The following PHF14 variants were observed in gnomAD, a reference collection of about 807,000 sequenced individuals.
The protein encoded by PHF14 is PHD finger protein 14.
A neutral mutation model predicts 117.9 loss-of-function variants in PHF14; 55 were observed. That is an observed-to-expected ratio of 0.47 (90% CI 0.38 to 0.58). PHF14 has a LOEUF of 0.58. Among genes scored for constraint, PHF14 ranks in the 20% least tolerant of loss-of-function variants. The pLI, the probability that PHF14 is intolerant of heterozygous loss-of-function variation, is 0.00. For synonymous variants in PHF14, 409 were observed against 368.6 expected (o/e 1.11, Z -1.26); for missense variants, 978 against 1,122.2 (o/e 0.87, Z 1.84).
At chr7:11,075,247 A>G (rs1485155906) in intron 16 of PHF14, among the ~76,000 whole-genome samples, 1 of 152,078 alleles carries the variant, frequency 6.6e-6, no homozygotes, top group African/African-American at 2.4e-5. Flanking sequence ...CCTTTCAGAC[A>G]TCTTTATAGC....
intron 2 of PHF14, among the ~76,000 whole-genome samples, chr7:10,979,104 A>G (rs1211944259): frequency 1.3e-5 from 2 of 152,218 alleles, no homozygotes; most frequent in Non-Finnish European, 2.9e-5. Context: ...GTATATTAGC[A>G]TAAAACTAAA....
intron 2 of PHF14, among the ~76,000 whole-genome samples, chr7:10,979,680 T>C (rs372029234): frequency 3.3e-5 from 5 of 152,128 alleles, no homozygotes; most frequent in East Asian, 1.9e-4. Context: ...TACCCAGCTA[T>C]GGTTGTAAAT....
At chr7:11,026,645 G>C (rs959874020) in intron 6 of PHF14, among the ~76,000 whole-genome samples, 5 of 151,554 alleles carry the variant, frequency 3.3e-5, no homozygotes, top group Admixed American at 3.3e-4. Context: ...TTGTTTTTCT[G>C]TATGGGTATG....
intron 14 of PHF14, among the ~76,000 whole-genome samples, chr7:11,054,952 C>A (rs10487898): frequency 0.013 from 1,925 of 151,784 alleles, 42 homozygotes; most frequent in East Asian, 0.1. Context: ...AAAATTTTAC[C>A]TTCATGACAT....
At chr7:11,108,784 C>A (rs1190859589) in intron 16 of PHF14, 1 of 151,580 alleles carries the variant, frequency 6.6e-6, no homozygotes, top group Non-Finnish European at 1.5e-5. Flanking sequence ...GCTGGAATTT[C>A]ATAGCTATAT....
intron 16 of PHF14, chr7:11,102,549 T>G: frequency 6.2e-7 from 1 of 1,610,520 alleles, no homozygotes; most frequent in Non-Finnish European, 8.5e-7. Context: ...GAAACCTCTT[T>G]TATAAGTGTG....
chr7:10,983,115 C>A lies in PHF14; in HGVS notation c.856C>A (p.Leu286Met). 6.3e-7 allele frequency: 1 copy of A among 1,599,128 alleles called. No homozygotes were observed. Among genetic ancestry groups the A allele is most frequent in the Non-Finnish European group, 8.5e-7 (1 of 1,179,498 alleles). The change falls in exon 3 of 18, where the codon CTG becomes ATG. Residue 286 changes from leucine (L) to methionine (M), a missense_variant. Leu to Met is a conservative substitution (Grantham distance 15). Coordinates refer to ENST00000634607, the MANE Select transcript of PHF14 (RefSeq NM_001007157.2). ...LSRNSADDEELTNDSLTLSQS... is the reference protein window; with the variant it reads ...LSRNSADDEEMTNDSLTLSQS... ...CAGAAACAGTGCTGATGATGAGGAA[C>A]TGACCAATGATAGCCTGACCCTATC...
intron 4 of PHF14, among the ~76,000 whole-genome samples, chr7:10,992,700 A>C (rs901653208): frequency 1.3e-5 from 2 of 152,136 alleles, no homozygotes; most frequent in African/African-American, 4.8e-5. Flanking sequence ...ATTCTCTTAC[A>C]TAACCACATA....
At chr7:11,070,266 T>TG (rs796603461) in intron 16 of PHF14, among the ~76,000 whole-genome samples, 7 of 152,272 alleles carry the variant, frequency 4.6e-5, no homozygotes, top group African/African-American at 1.7e-4. Context: ...TTTGTAGAAA[T>TG]GGGGTCTGAC....
intron 17 of PHF14, among the ~76,000 whole-genome samples, chr7:11,133,283 A>C (rs1461609645): frequency 6.6e-6 from 1 of 151,864 alleles, no homozygotes; most frequent in Admixed American, 6.6e-5. Context: ...GAGGACTGAC[A>C]CTACCCAACT....
At position 10,973,949 on chromosome 7, in the gene PHF14, T is replaced by C. The variant is rs1047279183; in HGVS notation, c.-375T>C. On this transcript the variant is annotated 5_prime_UTR_variant, in exon 1 of 18. Transcript: ENST00000634607. Reference sequence around the variant, plus strand: ...AGCCGCCCTCGCGCTGTGCAATTTCTGGTCTTTCGTTGCTTCTGGTCCAGG... The same window carrying C: ...AGCCGCCCTCGCGCTGTGCAATTTCCGGTCTTTCGTTGCTTCTGGTCCAGG... 9.8e-6 allele frequency: 2 copies of C among 204,600 alleles called. No homozygotes were observed. The highest frequency in any genetic ancestry group is 2.0e-5 in the Non-Finnish European group (2 of 99,318). The allele number at this position is 204,600 out of a possible 1,614,324, so 12.7% of individuals were successfully genotyped here. A position where few individuals can be genotyped will look rare whatever the true frequency, so the allele number is the denominator to read the frequency against.
At chr7:11,143,194 T>A (rs1434024259) in intron 17 of PHF14, among the ~76,000 whole-genome samples, 1 of 152,206 alleles carries the variant, frequency 6.6e-6, no homozygotes, top group East Asian at 1.9e-4. Context: ...TGTACCTAAA[T>A]AATTTTTTGA....
intron 17 of PHF14, among the ~76,000 whole-genome samples, chr7:11,159,811 G>C (rs950587278): frequency 2.6e-5 from 4 of 151,984 alleles, no homozygotes; most frequent in Admixed American, 6.6e-5. Flanking sequence ...TTTATAGAAA[G>C]AAAAAATTCT....
chr7:11,088,673 G>C (rs118046676), intron 16 of PHF14, among the ~76,000 whole-genome samples: 1,993 of 151,970 alleles, frequency 0.013, 26 homozygotes, highest in Non-Finnish European at 0.018. Context: ...AATAGTCAAA[G>C]AAAGAAATGC....
chr7:11,041,218 C>G (rs552004912), intron 12 of PHF14, among the ~76,000 whole-genome samples: 2 of 151,968 alleles, frequency 1.3e-5, no homozygotes, highest in African/African-American at 4.8e-5. Context: ...AGTTTCTACA[C>G]TTTTTTTCTC....
chr7:11,114,103 A>G (rs532808924), intron 17 of PHF14, among the ~76,000 whole-genome samples: 17 of 152,274 alleles, frequency 1.1e-4, no homozygotes, highest in African/African-American at 3.4e-4. Flanking sequence ...GAAGTAATCA[A>G]TTGCAAATAA....
chr7:11,024,468 G>C (rs970481849), intron 6 of PHF14, among the ~76,000 whole-genome samples: 3 of 152,192 alleles, frequency 2.0e-5, no homozygotes, highest in Non-Finnish European at 4.4e-5. Context: ...ACTTACCATA[G>C]CTAGAGAGGA....
intron 14 of PHF14, among the ~76,000 whole-genome samples, chr7:11,058,051 G>A (rs1785082305): frequency 6.6e-6 from 1 of 152,098 alleles, no homozygotes; most frequent in African/African-American, 2.4e-5. Context: ...ACATTCTAAA[G>A]CACATTCTTG....
In PHF14 at chr7:11,076,878, G is replaced by GTTTT. The variant is rs111330414; in HGVS notation, c.2654+14804_2654+14807dup. On this transcript the variant is annotated intron_variant, in intron 16 of 17. Transcript: ENST00000634607. ...TCACTGTGCCTAGCTTTCAAATATGGTTTTTTTTTTTTTTGGCAAAATTAC... is the reference window on the plus strand; with the variant it reads ...TCACTGTGCCTAGCTTTCAAATATGGTTTTTTTTTTTTTTTTTTGGCAAAATTAC... Among the ~76,000 whole-genome samples, 33 of 135,354 alleles carry GTTTT rather than the reference G, an allele frequency of 2.4e-4. No homozygotes were observed. The East Asian group carries it at 3.1e-3, about 13-fold the overall frequency. The allele number at this position is 135,354 out of a possible 152,430, so 88.8% of individuals were successfully genotyped here.
Sources: gnomAD v4.1 joint callset for allele counts (sites outside exome capture counted in the v4.1 genomes callset) on GRCh38, gnomAD v4.1.1 for gene constraint, MANE v1.5 for transcripts, NCBI Gene and HGNC (gene_info 2026-07-23, HGNC 2026-07-21) for gene names.